The following STAU2 variants were observed in gnomAD, a reference collection of about 807,000 sequenced individuals.
STAU2 encodes double-stranded RNA-binding protein Staufen homolog 2.
Under a neutral mutation model 65.9 loss-of-function variants are expected in STAU2, and 20 were observed. The ratio of observed to expected loss-of-function variants is 0.30; its 90% CI spans 0.21 to 0.44. The LOEUF (loss-of-function observed/expected upper bound fraction) is 0.44. STAU2 is among the 20% of genes least tolerant of loss of function. The pLI, the probability that STAU2 is intolerant of heterozygous loss-of-function variation, is 1.00. For synonymous variants in STAU2, 232 were observed against 233.9 expected, an observed-to-expected ratio of 0.99 and a Z score of 0.07; for missense variants, 558 against 683.9, an observed-to-expected ratio of 0.82 and a Z score of 2.05.
intron 5 of STAU2, among the ~76,000 whole-genome samples, chr8:73,688,214 T>A (rs1018325405): frequency 6.6e-6 from 1 of 151,038 alleles, no homozygotes; most frequent in Non-Finnish European, 1.5e-5. Context: ...TTCGCTCTTG[T>A]TGCCCAGGCT....
At chr8:73,605,375 C>T (rs1312732226) in intron 9 of STAU2, among the ~76,000 whole-genome samples, 3 of 134,044 alleles carry the variant, frequency 2.2e-5, no homozygotes, top group Non-Finnish European at 4.6e-5. Context: ...GTGGCATGAT[C>T]TCAGCTAACA....
At chr8:73,655,514 A>AATAG (rs771553343) in intron 6 of STAU2, among the ~76,000 whole-genome samples, 5 of 152,164 alleles carry the variant, frequency 3.3e-5, no homozygotes, top group Admixed American at 6.5e-5. Context: ...ATGCAACAAA[A>AATAG]ATAGATATAT....
rs576244858 is a variant in STAU2, at chr8:73,695,254, G to A, written c.115-6441C>T. ...TGAAGAAAAAAGAGAACTTTGTCTT[G>A]CATTTTGGATATCAGCTAAGCCACC... is the stretch of plus-strand genomic sequence containing the variant. On this transcript the variant is annotated intron_variant, in intron 4 of 14. Coordinates refer to ENST00000524300, the MANE Select transcript of STAU2 (RefSeq NM_001164380.2). 3.9e-5 allele frequency among the ~76,000 whole-genome samples: 6 copies of A among 152,304 alleles called. No homozygotes were observed. The South Asian group carries it at 1.2e-3, about 32-fold the overall frequency.
chr8:73,696,954 C>A (rs2130576715), intron 4 of STAU2, among the ~76,000 whole-genome samples: 2 of 152,044 alleles, frequency 1.3e-5, no homozygotes, highest in Middle Eastern at 3.4e-3. Context: ...TCCCTAAGGT[C>A]AAATATAAAG....
At chr8:73,539,641 G>C (rs552853031) in intron 13 of STAU2, among the ~76,000 whole-genome samples, 1 of 152,042 alleles carries the variant, frequency 6.6e-6, no homozygotes, top group African/African-American at 2.4e-5. Flanking sequence ...TGAGGAGTTC[G>C]AGACCAGCCT....
chr8:73,537,620 C>T (rs961471790), intron 13 of STAU2, among the ~76,000 whole-genome samples: 3 of 152,128 alleles, frequency 2.0e-5, no homozygotes, highest in African/African-American at 7.2e-5. Context: ...GAAAAAATAT[C>T]CCTGAGGAAG....
chr8:73,561,537 T>G, intron 12 of STAU2: 1 of 455,552 alleles, frequency 2.2e-6, no homozygotes, highest in South Asian at 1.6e-5. Context: ...AGTTATGATT[T>G]CCCTACGACA....
At chr8:73,605,695 G>GA (rs1223106021) in intron 9 of STAU2, among the ~76,000 whole-genome samples, 3 of 148,566 alleles carry the variant, frequency 2.0e-5, no homozygotes, top group East Asian at 2.0e-4. Flanking sequence ...AATTTTGGGG[G>GA]AAAAAAAAAG....
At chr8:73,459,893 G>A (rs1022909239) in intron 13 of STAU2, among the ~76,000 whole-genome samples, 2 of 152,138 alleles carry the variant, frequency 1.3e-5, no homozygotes, top group African/African-American at 4.8e-5. Flanking sequence ...CTCCTATCGG[G>A]CACGGCTCCT....
At chr8:73,736,824 T>G (rs576315670) in intron 3 of STAU2, among the ~76,000 whole-genome samples, 138 of 152,300 alleles carry the variant, frequency 9.1e-4, no homozygotes, top group African/African-American at 3.3e-3. Flanking sequence ...GAAATTTCTT[T>G]GGCAAGGTGA....
At chr8:73,695,468 A>G (rs1413356566) in intron 4 of STAU2, among the ~76,000 whole-genome samples, 1 of 151,170 alleles carries the variant, frequency 6.6e-6, no homozygotes, top group East Asian at 1.9e-4. Flanking sequence ...CTGATACCCA[A>G]GGAGTATGCA....
intron 6 of STAU2, among the ~76,000 whole-genome samples, chr8:73,626,436 T>C (rs1039179959): frequency 6.6e-6 from 1 of 152,188 alleles, no homozygotes; most frequent in African/African-American, 2.4e-5. Flanking sequence ...TTCCACATGA[T>C]GGAAGCCACT....
At chr8:73,611,677 T>G (rs1812476675) in intron 9 of STAU2, among the ~76,000 whole-genome samples, 2 of 150,024 alleles carry the variant, frequency 1.3e-5, no homozygotes, top group East Asian at 3.9e-4. Flanking sequence ...ATTATGATTA[T>G]TATTATTATT....
chr8:73,673,825 G>A (rs963985481), intron 5 of STAU2, among the ~76,000 whole-genome samples: 3 of 151,876 alleles, frequency 2.0e-5, no homozygotes, highest in Admixed American at 6.6e-5. Context: ...TAGCATTATC[G>A]ATAAAAACAA....
At chr8:73,616,295 C>T (rs1230227786) in intron 7 of STAU2, among the ~76,000 whole-genome samples, 1 of 152,086 alleles carries the variant, frequency 6.6e-6, no homozygotes, top group Non-Finnish European at 1.5e-5. Context: ...CTTACTATAA[C>T]TATTAGAAAG....
chr8:73,458,365 AT>A (rs1457657925), intron 13 of STAU2, among the ~76,000 whole-genome samples: 1 of 152,188 alleles, frequency 6.6e-6, no homozygotes, highest in South Asian at 2.1e-4. Flanking sequence ...TCCTTCTTTC[AT>A]TTAATGTACA....
chr8:73,662,856 T>C (rs1390750706), intron 6 of STAU2, among the ~76,000 whole-genome samples: 1 of 152,116 alleles, frequency 6.6e-6, no homozygotes, highest in Non-Finnish European at 1.5e-5. Flanking sequence ...CCTCAGGTAA[T>C]CCACCTGCCT....
chr8:73,642,385 T>C (rs1815055548), intron 6 of STAU2, among the ~76,000 whole-genome samples: 1 of 152,074 alleles, frequency 6.6e-6, no homozygotes, highest in East Asian at 1.9e-4. Context: ...TAGCTGGGCG[T>C]GGTGGCATGT....
intron 6 of STAU2, among the ~76,000 whole-genome samples, chr8:73,662,768 C>T (rs981974683): frequency 2.6e-5 from 4 of 152,162 alleles, no homozygotes; most frequent in African/African-American, 9.7e-5. Flanking sequence ...AGGCATGCGC[C>T]ACCATGCCAG....
Sources: allele counts gnomAD v4.1 joint callset (sites outside exome capture counted in the v4.1 genomes callset), GRCh38; gene constraint gnomAD v4.1.1; transcripts MANE v1.5; gene names NCBI Gene and HGNC (gene_info 2026-07-23, HGNC 2026-07-21).